Variants in MKLN1 observed in about 807,000 individuals in gnomAD.
The protein encoded by MKLN1 is muskelin 1, also known as muskelin.
Under a neutral mutation model 99.0 loss-of-function variants are expected in MKLN1, and 18 were observed. The observed-to-expected ratio is 0.18, with a 90% confidence interval of 0.13 to 0.27. The LOEUF (loss-of-function observed/expected upper bound fraction) is 0.27. Ranked by LOEUF, MKLN1 falls within the 10% of genes least tolerant of loss-of-function variation. The probability of loss-of-function intolerance (pLI) is 1.00; values close to 1 mark genes in which losing one functional copy is unlikely to be tolerated. For synonymous variants in MKLN1, 288 were observed against 293.2 expected (o/e 0.98, Z 0.18); for missense variants, 621 against 875.9 (o/e 0.71, Z 3.67).
chr7:131,480,205 A>G (rs1215372778), intron 17 of MKLN1, among the ~76,000 whole-genome samples: 5 of 152,222 alleles, frequency 3.3e-5, no homozygotes, highest in Admixed American at 2.0e-4. Context: ...CAGTGAATGC[A>G]TATTAATCCC....
chr7:131,287,860 G>A (rs374798205), intron 3 of MKLN1, among the ~76,000 whole-genome samples: 1 of 152,094 alleles, frequency 6.6e-6, no homozygotes, highest in Non-Finnish European at 1.5e-5. Context: ...CATGAGATCT[G>A]ATGGTTTTAT....
chr7:131,158,967 A>G (rs989115722), intron 2 of MKLN1, among the ~76,000 whole-genome samples: 3 of 152,070 alleles, frequency 2.0e-5, no homozygotes, highest in African/African-American at 7.2e-5. Context: ...GCAAGTTATT[A>G]TAGGGTAGGT....
chr7:131,463,104 A>G (rs1796563551), intron 12 of MKLN1, 113 bp from the exon 13 acceptor site: 3 of 906,086 alleles, frequency 3.3e-6, no homozygotes, highest in African/African-American at 1.7e-5. Flanking sequence ...AGCTTGGGCA[A>G]CAGAGTGAAA....
At chr7:131,443,918 A>G (rs890032835) in intron 11 of MKLN1, among the ~76,000 whole-genome samples, 6 of 152,134 alleles carry the variant, frequency 3.9e-5, no homozygotes, top group Non-Finnish European at 8.8e-5. Context: ...AACCTGGGCA[A>G]TCTTATGACT....
rs11482221 is a variant in MKLN1, at chr7:131,419,252, GT to G, written c.847+4558del. 3.4e-3 allele frequency among the ~76,000 whole-genome samples: 394 copies of G among 115,510 alleles called. 1 individual carries two copies. The highest frequency in any genetic ancestry group is 0.011 in the African/African-American group (354 of 30,820). 75.8% of individuals were successfully genotyped at this position (115,510 alleles called of 152,430 possible). ...TGTATATATATATATATATATTTTT[GT>G]TTTTTTTTTTTTTTTGAGACAGAGT... is the stretch of plus-strand genomic sequence containing the variant. On this transcript the variant is annotated intron_variant, in intron 8 of 17. Transcript: ENST00000352689.
At chr7:131,331,842 A>G (rs1169718060) in intron 1 of MKLN1, among the ~76,000 whole-genome samples, 1 of 152,222 alleles carries the variant, frequency 6.6e-6, no homozygotes. Flanking sequence ...ACTGGGAGAA[A>G]CTTTGAAAGT....
intron 12 of MKLN1, among the ~76,000 whole-genome samples, chr7:131,453,799 A>G (rs1172475970): frequency 6.6e-6 from 1 of 152,164 alleles, no homozygotes; most frequent in East Asian, 1.9e-4. Flanking sequence ...AGCAATTAAG[A>G]CAAAGCTTAT....
At chr7:131,400,948 A>G in intron 6 of MKLN1, among the ~76,000 whole-genome samples, 1 of 152,146 alleles carries the variant, frequency 6.6e-6, no homozygotes, top group Non-Finnish European at 1.5e-5. Flanking sequence ...GAACACTGTT[A>G]GTTAATAAAC....
intron 3 of MKLN1, among the ~76,000 whole-genome samples, chr7:131,277,643 T>A (rs898751136): frequency 6.6e-6 from 1 of 152,134 alleles, no homozygotes; most frequent in Non-Finnish European, 1.5e-5. Context: ...CTCAAACTCT[T>A]GACCTCAAGC....
chr7:131,453,872 A>G (rs1441930048), intron 12 of MKLN1, among the ~76,000 whole-genome samples: 1 of 152,178 alleles, frequency 6.6e-6, no homozygotes, highest in Non-Finnish European at 1.5e-5. Context: ...TAGTAGAACA[A>G]TGACAAATTA....
chr7:131,121,709 T>C (rs1354560764), intron 1 of MKLN1, among the ~76,000 whole-genome samples: 2 of 139,944 alleles, frequency 1.4e-5, no homozygotes, highest in African/African-American at 2.6e-5. Flanking sequence ...ATGCAAGAAA[T>C]GCAAGAATGG....
chr7:131,123,928 A>C (rs1428804272), intron 1 of MKLN1, among the ~76,000 whole-genome samples: 1 of 152,238 alleles, frequency 6.6e-6, no homozygotes, highest in African/African-American at 2.4e-5. Context: ...TTCTGTGAGA[A>C]TTGTTCAGGT....
At chr7:131,434,967 G>A (rs1210546323) in intron 9 of MKLN1, among the ~76,000 whole-genome samples, 1 of 152,188 alleles carries the variant, frequency 6.6e-6, no homozygotes, top group African/African-American at 2.4e-5. Context: ...TATCTAAACA[G>A]GAGAGTGTTC....
chr7:131,430,422 A>T lies in MKLN1; in HGVS notation c.960+1277A>T, dbSNP rs192842445. On this transcript the variant is annotated intron_variant, in intron 9 of 17. Transcript: ENST00000352689. ...TATTGAAGTACTGTTCTCTGAAATGATTATTTCTGTCTTCAACAACAAAAG... is the reference window on the plus strand; with the variant it reads ...TATTGAAGTACTGTTCTCTGAAATGTTTATTTCTGTCTTCAACAACAAAAG... 6.6e-4 allele frequency among the ~76,000 whole-genome samples: 100 copies of T among 152,204 alleles called. 1 individual carries two copies. The highest frequency in any genetic ancestry group is 2.2e-3 in the Admixed American group (33 of 15,294).
chr7:131,411,507 G>A (rs1794873095), intron 7 of MKLN1, 124 bp downstream of exon 7: 4 of 688,652 alleles, frequency 5.8e-6, no homozygotes, highest in Non-Finnish European at 1.0e-5. Context: ...AGTTGCAGTG[G>A]CTCATGTCTA....
At chr7:131,186,614 T>C (rs1473543005) in intron 2 of MKLN1, among the ~76,000 whole-genome samples, 4 of 152,224 alleles carry the variant, frequency 2.6e-5, no homozygotes, top group African/African-American at 9.6e-5. Flanking sequence ...GTCTGTTTTA[T>C]TACTTTACTG....
intron 2 of MKLN1, 67 bp from the exon 3 acceptor site, chr7:131,387,053 A>G: frequency 7.1e-7 from 1 of 1,404,280 alleles, no homozygotes; most frequent in Non-Finnish European, 9.6e-7. Context: ...AACTGGCAAT[A>G]GTTTTAAAGT....
chr7:131,249,242 G>A (rs180957715), intron 3 of MKLN1, among the ~76,000 whole-genome samples: 20 of 152,340 alleles, frequency 1.3e-4, no homozygotes, highest in African/African-American at 4.8e-4. Flanking sequence ...GATCTCCCTG[G>A]TGACTAACAA....
intron 2 of MKLN1, among the ~76,000 whole-genome samples, chr7:131,157,454 C>T (rs1447942049): frequency 6.6e-6 from 1 of 152,048 alleles, no homozygotes; most frequent in African/African-American, 2.4e-5. Context: ...CCTTCACCTG[C>T]CACTTGCTAT....
Sources: gnomAD v4.1 joint callset for allele counts (sites outside exome capture counted in the v4.1 genomes callset) on GRCh38, gnomAD v4.1.1 for gene constraint, MANE v1.5 for transcripts, NCBI Gene and HGNC (gene_info 2026-07-23, HGNC 2026-07-21) for gene names.